The following DLGAP2 variants were observed in gnomAD, a reference collection of about 807,000 sequenced individuals.
DLGAP2 encodes DLG associated protein 2.
A neutral mutation model predicts 100.3 loss-of-function variants in DLGAP2; 26 were observed. The observed-to-expected ratio is 0.26, with a 90% CI of 0.19 to 0.36. DLGAP2 has a LOEUF of 0.36. DLGAP2 is among the 10% of genes least tolerant of loss of function. The probability of loss-of-function intolerance (pLI) is 1.00; values close to 1 mark genes in which losing one functional copy is unlikely to be tolerated. For missense variants in DLGAP2, 1,858 were observed against 1,453.2 expected (o/e 1.28, Z -4.53); for synonymous variants, 886 against 630.1 (o/e 1.41, Z -6.08).
At chr8:1,409,129 GCGCCCGGC>G (rs1796656928) in intron 3 of DLGAP2, among the ~76,000 whole-genome samples, 3 of 87,990 alleles carry the variant, frequency 3.4e-5, no homozygotes, top group Non-Finnish European at 7.8e-5. Flanking sequence ...ACCATAGCAG[GCGCCCGGC>G]TCCCCTTGGA....
intron 3 of DLGAP2, among the ~76,000 whole-genome samples, chr8:1,497,011 G>A (rs903227209): frequency 1.3e-5 from 2 of 152,042 alleles, no homozygotes; most frequent in Non-Finnish European, 2.9e-5. Flanking sequence ...GGGTCTCCAG[G>A]TCACACGTTA....
chr8:1,190,364 C>T (rs1364884816), intron 2 of DLGAP2, among the ~76,000 whole-genome samples: 1 of 152,106 alleles, frequency 6.6e-6, no homozygotes, highest in Non-Finnish European at 1.5e-5. Context: ...TGTTAGTTGG[C>T]AGTTATGTGC....
At chr8:1,336,131 T>C (rs762510601) in intron 3 of DLGAP2, among the ~76,000 whole-genome samples, 11 of 152,266 alleles carry the variant, frequency 7.2e-5, no homozygotes, top group African/African-American at 2.4e-4. Flanking sequence ...CCTCCCCACA[T>C]TGGTGACCCC....
chr8:853,676 C>G (rs944309948), intron 1 of DLGAP2, among the ~76,000 whole-genome samples: 16 of 152,358 alleles, frequency 1.1e-4, no homozygotes, highest in Admixed American at 9.1e-4. Context: ...CCTGCAGCCA[C>G]ACCGCCCCGT....
intron 13 of DLGAP2, among the ~76,000 whole-genome samples, chr8:1,695,657 G>C (rs1489686618): frequency 3.3e-5 from 5 of 151,350 alleles, no homozygotes; most frequent in Non-Finnish European, 7.4e-5. Context: ...GGGCACAGCT[G>C]TGCCCAGCCC....
intron 2 of DLGAP2, among the ~76,000 whole-genome samples, chr8:1,053,909 A>G (rs1410339839): frequency 2.6e-5 from 4 of 152,126 alleles, no homozygotes. Flanking sequence ...TGTTGAGTTT[A>G]TATTTTCCAA....
chr8:1,280,475 G>T (rs1474960372), intron 3 of DLGAP2, among the ~76,000 whole-genome samples: 1 of 152,168 alleles, frequency 6.6e-6, no homozygotes, highest in Non-Finnish European at 1.5e-5. Context: ...TAAACAGGAA[G>T]GTATTTAATA....
intron 2 of DLGAP2, among the ~76,000 whole-genome samples, chr8:1,208,542 A>C (rs905704275): frequency 1.1e-4 from 16 of 152,164 alleles, no homozygotes; most frequent in African/African-American, 4.8e-5. Context: ...GGAAAAGTTG[A>C]AAGCATTTTT....
intron 8 of DLGAP2, among the ~76,000 whole-genome samples, chr8:1,647,305 T>C (rs1798061609): frequency 6.6e-6 from 1 of 151,580 alleles, no homozygotes; most frequent in South Asian, 2.1e-4. Flanking sequence ...GCTAACACGG[T>C]GAAACCCCAT....
At chr8:1,357,329 C>G (rs1204033346) in intron 3 of DLGAP2, among the ~76,000 whole-genome samples, 3 of 151,960 alleles carry the variant, frequency 2.0e-5, no homozygotes, top group Non-Finnish European at 4.4e-5. Flanking sequence ...GATGGCCAGA[C>G]TCATCACACT....
At chr8:901,423 GT>G (rs1798249420) in intron 1 of DLGAP2, among the ~76,000 whole-genome samples, 1 of 152,320 alleles carries the variant, frequency 6.6e-6, no homozygotes, top group South Asian at 2.1e-4. Context: ...AAAAAGTAAA[GT>G]GTTTATCTGC....
intron 2 of DLGAP2, among the ~76,000 whole-genome samples, chr8:926,203 C>T (rs1435053725): frequency 1.3e-5 from 2 of 152,200 alleles, no homozygotes; most frequent in African/African-American, 2.4e-5. Context: ...AGCCCACGCC[C>T]ACCACTCCCT....
intron 1 of DLGAP2, among the ~76,000 whole-genome samples, chr8:794,171 G>T (rs544846508): frequency 6.7e-6 from 1 of 148,690 alleles, no homozygotes; most frequent in Non-Finnish European, 1.5e-5. Flanking sequence ...GTGAGGTTGG[G>T]ATGAGCTGTT....
intron 4 of DLGAP2, 144 bp downstream of exon 4, chr8:1,501,575 CA>C (rs1207997734): frequency 3.8e-6 from 3 of 799,142 alleles, no homozygotes; most frequent in Admixed American, 2.9e-5. Flanking sequence ...TACAATGCGG[CA>C]CTTTTTTCCA....
chr8:804,077 C>G (rs1218510039), intron 1 of DLGAP2, among the ~76,000 whole-genome samples: 1 of 152,130 alleles, frequency 6.6e-6, no homozygotes, highest in Non-Finnish European at 1.5e-5. Flanking sequence ...GAAAAGGCCT[C>G]TCTGTTGTAG....
intron 3 of DLGAP2, among the ~76,000 whole-genome samples, chr8:1,373,347 CT>C (rs1802297313): frequency 6.6e-6 from 1 of 151,780 alleles, no homozygotes; most frequent in African/African-American, 2.4e-5. Context: ...GGCGCCGCGC[CT>C]GGACCGTGGC....
intron 2 of DLGAP2, among the ~76,000 whole-genome samples, chr8:1,205,872 G>A (rs1563252753): frequency 6.6e-6 from 1 of 152,152 alleles, no homozygotes; most frequent in African/African-American, 2.4e-5. Context: ...ATAAAGGGCA[G>A]CCAAGTGCAG....
intron 1 of DLGAP2, among the ~76,000 whole-genome samples, chr8:789,999 G>A (rs1175930547): frequency 1.3e-5 from 2 of 152,204 alleles, no homozygotes; most frequent in African/African-American, 2.4e-5. Flanking sequence ...CTCCCAGGAT[G>A]GCAGTGGTAA....
intron 3 of DLGAP2, among the ~76,000 whole-genome samples, chr8:1,444,538 A>G (rs1463489048): frequency 6.6e-6 from 1 of 152,074 alleles, no homozygotes; most frequent in African/African-American, 2.4e-5. Flanking sequence ...AGAGAGAAAG[A>G]GACAGTGTGC....
Sources: gnomAD v4.1 joint callset for allele counts (sites outside exome capture counted in the v4.1 genomes callset) on GRCh38, gnomAD v4.1.1 for gene constraint, MANE v1.5 for transcripts, NCBI Gene and HGNC (gene_info 2026-07-23, HGNC 2026-07-21) for gene names.